Variants in DTNB observed in about 807,000 individuals in gnomAD.
DTNB encodes dystrobrevin beta, also known as DTN-B.
A neutral mutation model predicts 90.7 loss-of-function variants in DTNB; 63 were observed. That is an observed-to-expected ratio of 0.69 (90% CI 0.57 to 0.86). The LOEUF is 0.86. Ranked by LOEUF, DTNB falls within the 40% of genes least tolerant of loss-of-function variation. The pLI is 0.00. For missense variants in DTNB, 744 were observed against 807.1 expected, an observed-to-expected ratio of 0.92 and a Z score of 0.95; for synonymous variants, 277 against 286.7, an observed-to-expected ratio of 0.97 and a Z score of 0.34.
At chr2:25,486,195 G>A in intron 9 of DTNB, among the ~76,000 whole-genome samples, 1 of 152,038 alleles carries the variant, frequency 6.6e-6, no homozygotes, top group East Asian at 1.9e-4. Context: ...GGGCACAGTG[G>A]CTCACGTCTA....
chr2:25,467,300 T>TTTC (rs1491145612), intron 10 of DTNB, among the ~76,000 whole-genome samples: 2 of 9,976 alleles, frequency 2.0e-4, no homozygotes, highest in African/African-American at 3.2e-3. Flanking sequence ...TCTTTCTTTC[T>TTTC]TTTTTTTTTT....
intron 18 of DTNB, among the ~76,000 whole-genome samples, chr2:25,386,998 G>A (rs1355840925): frequency 6.6e-6 from 1 of 152,222 alleles, no homozygotes; most frequent in Non-Finnish European, 1.5e-5. Context: ...GACGAGGTAA[G>A]TGAGGAAGGG....
intron 8 of DTNB, among the ~76,000 whole-genome samples, chr2:25,532,777 C>T (rs1235268324): frequency 6.6e-6 from 1 of 152,150 alleles, no homozygotes; most frequent in Non-Finnish European, 1.5e-5. Flanking sequence ...AGTTTATTAT[C>T]ATATGTGCCA....
At position 25,427,894 on chromosome 2, in the gene DTNB, G is replaced by T. The variant is rs950856203; in HGVS notation, c.1458-263C>A. ...ACTTATATTACCAGAGTGAATTAAT[G>T]ATTAAAAAACTCTTTAGAAAATCAA... On this transcript the variant is annotated intron_variant, in intron 14 of 20. Coordinates refer to ENST00000406818, the MANE Select transcript of DTNB (RefSeq NM_021907.5). 4 of 249,408 alleles carry T rather than the reference G, an allele frequency of 1.6e-5. No individual in the cohort carries two copies. The Admixed American group carries it at 2.2e-4, about 13-fold the overall frequency. 15.4% of individuals were successfully genotyped at this position (249,408 alleles called of 1,614,324 possible).
chr2:25,609,248 G>A (rs17747147), intron 4 of DTNB, among the ~76,000 whole-genome samples: 39,433 of 152,072 alleles, frequency 0.26, 6,097 homozygotes, highest in Non-Finnish European at 0.36. Flanking sequence ...GAAGTAAAGT[G>A]GCCCACAAAG....
chr2:25,401,089 C>G (rs564680754), intron 16 of DTNB, among the ~76,000 whole-genome samples: 1 of 152,312 alleles, frequency 6.6e-6, no homozygotes, highest in Non-Finnish European at 1.5e-5. Flanking sequence ...AGAGAGGTCA[C>G]AAGGTCACAC....
intron 3 of DTNB, among the ~76,000 whole-genome samples, chr2:25,631,597 A>G: frequency 6.6e-6 from 1 of 151,956 alleles, no homozygotes; most frequent in East Asian, 1.9e-4. Flanking sequence ...GAAAGAAAAA[A>G]GAAAATAAAG....
In DTNB at chr2:25,455,406, G is replaced by A. The variant is rs77234426; in HGVS notation, c.1168C>T (p.Arg390Cys). ...SYVARLQHCA[R>C]VLDSPSRLDE... ...CACTGCTGCTGCACCACCACTGACCGTGCACAGTGCTGCAGACGGGCCACA... is the reference window on the plus strand; with the variant it reads ...CACTGCTGCTGCACCACCACTGACCATGCACAGTGCTGCAGACGGGCCACA... Residue 390 changes from arginine (R) to cysteine (C), a missense_variant and splice_region_variant, in exon 11 of 21, where the codon CGT (arginine) becomes TGT (cysteine). Physicochemically the swap from Arg to Cys is radical, Grantham distance 180 (BLOSUM62 -3). Transcript: ENST00000406818. The A allele has an allele frequency of 5.8e-4, 931 of 1,594,364 alleles. 2 individuals are homozygous for A. Among genetic ancestry groups the A allele is most frequent in the Non-Finnish European group, 6.6e-4 (776 of 1,170,956 alleles).
chr2:25,410,203 C>T (rs2046251616), intron 16 of DTNB, among the ~76,000 whole-genome samples: 3 of 152,004 alleles, frequency 2.0e-5, no homozygotes, highest in African/African-American at 7.3e-5. Flanking sequence ...TTTTTGGAGG[C>T]CCTGAAGGAT....
intron 2 of DTNB, among the ~76,000 whole-genome samples, chr2:25,644,221 C>T (rs898533612): frequency 3.3e-5 from 5 of 152,158 alleles, no homozygotes; most frequent in Admixed American, 2.6e-4. Flanking sequence ...TTTCACTTTA[C>T]GGACGCACTG....
At chr2:25,406,478 T>C (rs146258694) in intron 16 of DTNB, among the ~76,000 whole-genome samples, 2,370 of 148,162 alleles carry the variant, frequency 0.016, 65 homozygotes, top group African/African-American at 0.055. Flanking sequence ...GAGGTTGCGG[T>C]GAGCCGAGAT....
At position 25,600,042 on chromosome 2, in the gene DTNB, G is replaced by C. The variant is rs116804158; in HGVS notation, c.449-3802C>G. Among the ~76,000 whole-genome samples the C allele has an allele frequency of 2.2e-3, 331 of 152,304 alleles. 3 individuals are homozygous for C. The highest frequency in any genetic ancestry group is 7.5e-3 in the African/African-American group (312 of 41,558). ...GAGTGCAGAAGTTGGGGGCTGCAGT[G>C]AGCTCTGATCATACCACTACACTCC... On this transcript the variant is annotated intron_variant, in intron 5 of 20. Transcript: ENST00000406818.
chr2:25,526,395 A>ATATATATATTTTTTTTT, intron 9 of DTNB, among the ~76,000 whole-genome samples: 4 of 49,828 alleles, frequency 8.0e-5, no homozygotes, highest in African/African-American at 3.9e-4. Flanking sequence ...ATATATATAT[A>ATATATATATTTTTTTTT]TTTTTTTTTT....
chr2:25,628,070 C>CT, intron 4 of DTNB, 101 bp downstream of exon 4: 1 of 1,290,938 alleles, frequency 7.7e-7, no homozygotes, highest in Non-Finnish European at 1.1e-6. Context: ...TCTAAGTTGC[C>CT]AGCTTAGCAA....
intron 15 of DTNB, among the ~76,000 whole-genome samples, chr2:25,421,816 C>T (rs2049811829): frequency 6.6e-6 from 1 of 152,198 alleles, no homozygotes; most frequent in African/African-American, 2.4e-5. Context: ...ATGTTTCATA[C>T]TTGGACATCT....
At chr2:25,491,491 T>A (rs2067453644) in intron 9 of DTNB, among the ~76,000 whole-genome samples, 1 of 152,174 alleles carries the variant, frequency 6.6e-6, no homozygotes. Context: ...CAGCACCATG[T>A]TGCGGAATAT....
chr2:25,660,815 G>C (rs1225679875), intron 1 of DTNB, among the ~76,000 whole-genome samples: 2 of 152,004 alleles, frequency 1.3e-5, no homozygotes, highest in Non-Finnish European at 2.9e-5. Flanking sequence ...CGTTGTACCT[G>C]TCTCTTGCTG....
intron 12 of DTNB, among the ~76,000 whole-genome samples, chr2:25,447,995 G>A (rs188112099): frequency 2.6e-4 from 39 of 152,234 alleles, no homozygotes; most frequent in African/African-American, 7.7e-4. Context: ...GTAGCTCTTG[G>A]CCTGCTTTGG....
At chr2:25,598,774 G>A (rs1011104814) in intron 5 of DTNB, 2 of 152,118 alleles carry the variant, frequency 1.3e-5, no homozygotes, top group Non-Finnish European at 2.9e-5. Context: ...AAAAGTCTAT[G>A]ACAGGAGCAT....
Sources: gnomAD v4.1 joint callset for allele counts (sites outside exome capture counted in the v4.1 genomes callset) on GRCh38, gnomAD v4.1.1 for gene constraint, MANE v1.5 for transcripts, NCBI Gene and HGNC (gene_info 2026-07-23, HGNC 2026-07-21) for gene names.